Variants in AAK1 observed in about 807,000 individuals in gnomAD.
The protein encoded by AAK1 is AP2 associated kinase 1, also known as AP2-associated protein kinase 1.
A neutral mutation model predicts 116.0 loss-of-function variants in AAK1; 37 were observed. That is an observed-to-expected ratio of 0.32 (90% confidence interval 0.25 to 0.42). The LOEUF is 0.42. AAK1 is among the 10% of genes least tolerant of loss of function. The pLI is 1.00. For synonymous variants in AAK1, 458 were observed against 439.9 expected (o/e 1.04, Z -0.51); for missense variants, 919 against 1,170.6 (o/e 0.79, Z 3.14).
In AAK1 at chr2:69,528,983, A is replaced by G. The variant is rs572583833; in HGVS notation, c.871+1025T>C. 1.2e-4 allele frequency among the ~76,000 whole-genome samples: 18 copies of G among 151,896 alleles called. No homozygotes were observed. In the East Asian group the frequency reaches 3.3e-3, roughly 28 times the overall value. On this transcript the variant is annotated intron_variant, in intron 8 of 21. Coordinates refer to ENST00000409085, the MANE Select transcript of AAK1 (RefSeq NM_014911.5). ...ATTAAATGTCATAATCCAGCCCTTT[A>G]AATATTCCTCCTTTTTTTGTTAATA... is the stretch of plus-strand genomic sequence containing the variant.
At chr2:69,555,343 C>T (rs183269250) in intron 3 of AAK1, among the ~76,000 whole-genome samples, 18 of 152,254 alleles carry the variant, frequency 1.2e-4, no homozygotes, top group Admixed American at 1.2e-3. Flanking sequence ...CAGTTCCTTC[C>T]CAAATAGTTT....
intron 2 of AAK1, among the ~76,000 whole-genome samples, chr2:69,583,242 C>T (rs1437648381): frequency 6.6e-6 from 1 of 152,184 alleles, no homozygotes; most frequent in Non-Finnish European, 1.5e-5. Flanking sequence ...ATGAAATACA[C>T]CAAATAACCT....
intron 12 of AAK1, among the ~76,000 whole-genome samples, chr2:69,515,576 G>T (rs1057150498): frequency 6.6e-6 from 1 of 151,934 alleles, no homozygotes; most frequent in African/African-American, 2.4e-5. Flanking sequence ...CAATCCTCCC[G>T]CTTCGGCCTC....
chr2:69,463,185 A>G lies in AAK1; in HGVS notation c.*12684T>C, dbSNP rs1674385294. ...ATGAATTTCCAATAATTTTTAAATC[A>G]TTGATCTGGCTTGGTAAATAGCTCT... On this transcript the variant is annotated 3_prime_UTR_variant, in exon 22 of 22. Coordinates refer to ENST00000409085, the MANE Select transcript of AAK1 (RefSeq NM_014911.5). The G allele has an allele frequency of 6.6e-6, 1 of 152,248 alleles. No homozygotes were observed. Among genetic ancestry groups the G allele is most frequent in the Non-Finnish European group, 1.5e-5 (1 of 68,052 alleles). 9.4% of individuals were successfully genotyped at this position (152,248 alleles called of 1,614,324 possible). A position where few individuals can be genotyped will look rare whatever the true frequency, so the allele number is the denominator to read the frequency against.
At chr2:69,510,870 G>A (rs1215737555) in intron 13 of AAK1, among the ~76,000 whole-genome samples, 1 of 152,140 alleles carries the variant, frequency 6.6e-6, no homozygotes, top group African/African-American at 2.4e-5. Flanking sequence ...GAAAAAAAAG[G>A]TCCTGATGAT....
intron 18 of AAK1, 109 bp from the exon 19 acceptor site, chr2:69,481,070 G>A: frequency 1.0e-5 from 10 of 962,612 alleles, no homozygotes; most frequent in Non-Finnish European, 1.5e-5. Flanking sequence ...CTCATTTTTT[G>A]AGATGGTGTC....
At chr2:69,593,767 C>A (rs1473319282) in intron 2 of AAK1, among the ~76,000 whole-genome samples, 1 of 152,206 alleles carries the variant, frequency 6.6e-6, no homozygotes, top group African/African-American at 2.4e-5. Flanking sequence ...TTCTAGTTAA[C>A]TGGAGAAATC....
intron 5 of AAK1, among the ~76,000 whole-genome samples, chr2:69,538,509 G>A (rs551122337): frequency 2.2e-4 from 33 of 152,368 alleles, no homozygotes; most frequent in Admixed American, 1.3e-3. Flanking sequence ...TGGTAACTAC[G>A]TAAGCTGGAC....
At chr2:69,595,205 C>G in intron 2 of AAK1, 1 of 367,418 alleles carries the variant, frequency 2.7e-6, no homozygotes, top group South Asian at 2.1e-5. Flanking sequence ...CTCTGCTTCC[C>G]AGGTTCAAGC....
intron 18 of AAK1, chr2:69,482,400 G>T: frequency 3.5e-6 from 2 of 574,458 alleles, no homozygotes; most frequent in Non-Finnish European, 6.2e-6. Context: ...ATTAAGTTCA[G>T]TAAAGGTAGT....
intron 2 of AAK1, among the ~76,000 whole-genome samples, chr2:69,634,264 G>A (rs1355920175): frequency 5.9e-5 from 9 of 152,284 alleles, no homozygotes; most frequent in East Asian, 1.9e-4. Context: ...TTGTAGCTAG[G>A]AGCCTCGGGT....
intron 2 of AAK1, among the ~76,000 whole-genome samples, chr2:69,604,841 C>A (rs958484732): frequency 6.6e-6 from 1 of 152,174 alleles, no homozygotes; most frequent in Non-Finnish European, 1.5e-5. Context: ...ACTAAACATA[C>A]CCTAGCCAAA....
At chr2:69,626,815 A>C (rs1674923667) in intron 2 of AAK1, among the ~76,000 whole-genome samples, 1 of 151,714 alleles carries the variant, frequency 6.6e-6, no homozygotes, top group South Asian at 2.1e-4. Flanking sequence ...TTCTTCTTTT[A>C]ATTTTACTTA....
At chr2:69,558,148 C>G (rs914804341) in intron 2 of AAK1, among the ~76,000 whole-genome samples, 2 of 151,964 alleles carry the variant, frequency 1.3e-5, no homozygotes, top group African/African-American at 4.8e-5. Flanking sequence ...TTCAGGACCA[C>G]CCTTGGCAAC....
chr2:69,633,218 C>CAAAA (rs199667063), intron 2 of AAK1, among the ~76,000 whole-genome samples: 1 of 106,020 alleles, frequency 9.4e-6, no homozygotes, highest in Non-Finnish European at 1.9e-5. Flanking sequence ...GACTCTGTTT[C>CAAAA]AAAAAAAAAA....
Position 69,473,177 on chromosome 2 carries a change from G to T in AAK1, c.*2692C>A. ...AGGTCACTCAGCCAGTGGCTGGCAA[G>T]GGCCAGGATGAGATCCCAGGTGGCC... On this transcript the variant is annotated 3_prime_UTR_variant, in exon 22 of 22. Transcript: ENST00000409085. The T allele has an allele frequency of 2.6e-6, 2 of 782,446 alleles. No homozygotes were observed. Among genetic ancestry groups the T allele is most frequent in the Non-Finnish European group, 3.1e-6 (2 of 644,750 alleles). 48.5% of individuals were successfully genotyped at this position (782,446 alleles called of 1,614,324 possible).
intron 2 of AAK1, among the ~76,000 whole-genome samples, chr2:69,592,083 T>C (rs143417721): frequency 2.6e-5 from 4 of 152,136 alleles, no homozygotes; most frequent in African/African-American, 9.6e-5. Flanking sequence ...TTCATTGCAG[T>C]TTGGAATCCA....
rs188400664 is a variant in AAK1 at position 69,517,967 on chromosome 2, T to G, written c.1497+987A>C. On this transcript the variant is annotated intron_variant, in intron 12 of 21. Coordinates refer to ENST00000409085, the MANE Select transcript of AAK1 (RefSeq NM_014911.5). ...ATAACGAGACCCCCATTTCTACCAATAAAAATTAGCCAGGCATGGTGGCAC... is the reference window on the plus strand; with the variant it reads ...ATAACGAGACCCCCATTTCTACCAAGAAAAATTAGCCAGGCATGGTGGCAC... Among the ~76,000 whole-genome samples the G allele has an allele frequency of 2.4e-4, 36 of 152,046 alleles. No individual in the cohort carries two copies. The East Asian group carries it at 4.6e-3, about 20-fold the overall frequency.
intron 9 of AAK1, 45 bp downstream of exon 9, chr2:69,527,170 GC>G (rs1670061667): frequency 2.2e-6 from 3 of 1,392,188 alleles, no homozygotes; most frequent in Non-Finnish European, 3.0e-6. Context: ...GCTCAAAATG[GC>G]AATTTGATAA....
Sources: gnomAD v4.1 joint callset for allele counts (sites outside exome capture counted in the v4.1 genomes callset) on GRCh38, gnomAD v4.1.1 for gene constraint, MANE v1.5 for transcripts, NCBI Gene and HGNC (gene_info 2026-07-23, HGNC 2026-07-21) for gene names.